Variants in AADACL4 observed in about 807,000 individuals in gnomAD.
The protein encoded by AADACL4 is arylacetamide deacetylase like 4, also known as arylacetamide deacetylase-like 4.
In AADACL4, 9 loss-of-function variants were observed where a neutral mutation model predicts 14.1. That is an observed-to-expected ratio of 0.64 (90% confidence interval 0.39 to 1.12). The LOEUF is 1.12. Ranked by LOEUF, AADACL4 falls within the 50% of genes most tolerant of loss-of-function variation. AADACL4 has a pLI of 0.01. For synonymous variants in AADACL4, 188 were observed against 201.6 expected (o/e 0.93, Z 0.57); for missense variants, 531 against 516.1 (o/e 1.03, Z -0.28).
chr1:12,654,620 G>A (rs962812840), intron 2 of AADACL4, among the ~76,000 whole-genome samples: 1 of 152,192 alleles, frequency 6.6e-6, no homozygotes, highest in African/African-American at 2.4e-5. Context: ...TGGGGGTTCA[G>A]TCAGGCTGGT....
intron 2 of AADACL4, among the ~76,000 whole-genome samples, chr1:12,658,139 C>CCTTCCTTCCTTCCTTCCTTT (rs1439797569): frequency 8.2e-5 from 7 of 84,932 alleles, no homozygotes; most frequent in East Asian, 6.1e-4. Context: ...TTCCTTCCTT[C>CCTTCCTTCCTTCCTTCCTTT]CTTTCTTTCT....
chr1:12,657,750 G>T (rs1295233478), intron 2 of AADACL4, among the ~76,000 whole-genome samples: 1 of 152,120 alleles, frequency 6.6e-6, no homozygotes, highest in Non-Finnish European at 1.5e-5. Context: ...GGACCAAAAT[G>T]GGTGTCCCAG....
At chr1:12,649,456 A>G (rs1270866302) in intron 1 of AADACL4, among the ~76,000 whole-genome samples, 12 of 152,204 alleles carry the variant, frequency 7.9e-5, no homozygotes, top group African/African-American at 2.7e-4. Flanking sequence ...CCATGCTGGT[A>G]CAACATAGAG....
At chr1:12,664,783 AT>A (rs963419333) in intron 3 of AADACL4, among the ~76,000 whole-genome samples, 3 of 152,242 alleles carry the variant, frequency 2.0e-5, no homozygotes, top group South Asian at 2.1e-4. Flanking sequence ...AACTGTTTCT[AT>A]TTTTTTATTC....
At chr1:12,646,828 A>T (rs956234226) in intron 1 of AADACL4, among the ~76,000 whole-genome samples, 1 of 152,182 alleles carries the variant, frequency 6.6e-6, no homozygotes, top group Non-Finnish European at 1.5e-5. Flanking sequence ...GGGGCCTCCC[A>T]GGGCACACTG....
intron 1 of AADACL4, among the ~76,000 whole-genome samples, chr1:12,648,307 C>G (rs188265042): frequency 2.6e-4 from 39 of 151,848 alleles, no homozygotes; most frequent in Non-Finnish European, 4.1e-4. Flanking sequence ...CAATATTTGT[C>G]AAGGAGTTTC....
At position 12,666,881 on chromosome 1, in the gene AADACL4, C is replaced by T. The variant is rs900177451; in HGVS notation, c.*146C>T. 1.2e-6 allele frequency: 1 copy of T among 804,186 alleles called. No individual in the cohort carries two copies. The highest frequency in any genetic ancestry group is 1.9e-6 in the Non-Finnish European group (1 of 531,102). The allele number at this position is 804,186 out of a possible 1,614,324, so 49.8% of individuals were successfully genotyped here. On this transcript the variant is annotated 3_prime_UTR_variant, in exon 4 of 4. Transcript: ENST00000376221. ...GAAGGGTGAGAAGTAAGCTAACAGTCTTGCTTAGTATTCAAGAAAATCCAA... is the reference window on the plus strand; with the variant it reads ...GAAGGGTGAGAAGTAAGCTAACAGTTTTGCTTAGTATTCAAGAAAATCCAA...
intron 2 of AADACL4, among the ~76,000 whole-genome samples, chr1:12,654,131 C>A (rs929977529): frequency 3.9e-5 from 6 of 152,142 alleles, no homozygotes; most frequent in Non-Finnish European, 8.8e-5. Context: ...AGATCTAATA[C>A]CATGAACCAA....
intron 1 of AADACL4, among the ~76,000 whole-genome samples, chr1:12,646,155 C>T (rs1464750975): frequency 1.3e-5 from 2 of 152,148 alleles, no homozygotes; most frequent in African/African-American, 4.8e-5. Flanking sequence ...GATTCCAGGG[C>T]AGCTGTGGAG....
rs113220893 is a variant in AADACL4 at position 12,654,970 on chromosome 1, T to C, written c.385+3631T>C. On this transcript the variant is annotated intron_variant, in intron 2 of 3. Transcript: ENST00000376221. ...GCTGGTCAGGGCTGTGGCCACTGAC[T>C]CTTTACAGCACCTTGCTTGGTGTCT... is the stretch of plus-strand genomic sequence containing the variant. 2.7e-4 allele frequency among the ~76,000 whole-genome samples: 41 copies of C among 152,272 alleles called. 1 individual carries two copies. Among genetic ancestry groups the C allele is most frequent in the African/African-American group, 9.6e-4 (40 of 41,556 alleles).
At chr1:12,652,458 T>G (rs952212552) in intron 2 of AADACL4, among the ~76,000 whole-genome samples, 2 of 152,148 alleles carry the variant, frequency 1.3e-5, no homozygotes, top group Non-Finnish European at 2.9e-5. Context: ...GGCTGGGGGA[T>G]GTCCCCAAAG....
intron 1 of AADACL4, among the ~76,000 whole-genome samples, chr1:12,645,101 T>C (rs1647102871): frequency 7.5e-6 from 1 of 133,592 alleles, no homozygotes; most frequent in South Asian, 2.8e-4. Flanking sequence ...TTCCTTCCTT[T>C]TTCCTTCTTT....
At chr1:12,661,593 C>T (rs1647229499) in intron 2 of AADACL4, among the ~76,000 whole-genome samples, 198 bp from the exon 3 acceptor site, 1 of 151,988 alleles carries the variant, frequency 6.6e-6, no homozygotes. Flanking sequence ...AATTTGAGTC[C>T]CAAAATTCAG....
At position 12,666,189 on chromosome 1, in the gene AADACL4, G is replaced by C. The variant is rs779090467; in HGVS notation, c.678G>C (p.Gln226His). Residue 226 changes from glutamine to histidine, a missense_variant, in exon 4 of 4, where the codon CAG becomes CAC. Physicochemically the swap from Gln to His is conservative, Grantham distance 24. Transcript: ENST00000376221. ...AGGTTCTGATTTATCCAGTTGTCCAGGCATTCTGTTTGCAGTTGCCATCCT... is the reference window on the plus strand; with the variant it reads ...AGGTTCTGATTTATCCAGTTGTCCACGCATTCTGTTTGCAGTTGCCATCCT... ...RAQVLIYPVV[Q>H]AFCLQLPSFQ... 6.2e-7 allele frequency: 1 copy of C among 1,614,252 alleles called. No individual in the cohort carries two copies. The highest frequency in any genetic ancestry group is 8.5e-7 in the Non-Finnish European group (1 of 1,180,052).
chr1:12,652,809 G>A (rs1647157422), intron 2 of AADACL4, among the ~76,000 whole-genome samples: 1 of 152,168 alleles, frequency 6.6e-6, no homozygotes, highest in Non-Finnish European at 1.5e-5. Context: ...CACATAAGGA[G>A]GTCCTAGGAG....
At chr1:12,658,121 TTCCTTCCTTCCTTC>T (rs1647195752) in intron 2 of AADACL4, among the ~76,000 whole-genome samples, 1 of 128,948 alleles carries the variant, frequency 7.8e-6, no homozygotes, top group African/African-American at 3.9e-5. Context: ...CCTTCCTTCC[TTCCTTCCTTCCTTC>T]CTTCCTTTCT....
At chr1:12,657,009 G>A (rs140627221) in intron 2 of AADACL4, among the ~76,000 whole-genome samples, 526 of 152,162 alleles carry the variant, frequency 3.5e-3, no homozygotes, top group African/African-American at 0.012. Flanking sequence ...TGGGCATGGT[G>A]ACACATGCCT....
At chr1:12,665,884 G>A (rs1490667328) in intron 3 of AADACL4, 77 bp from the exon 4 acceptor site, 11 of 1,425,248 alleles carry the variant, frequency 7.7e-6, no homozygotes, top group Non-Finnish European at 9.5e-6. Context: ...TTGTAAGGGG[G>A]TTGAGGATTC....
In AADACL4 at chr1:12,665,941, G is replaced by C; in HGVS notation, c.450-20G>C. On this transcript the variant is annotated intron_variant, in intron 3 of 3. Transcript: ENST00000376221. ...ACACTGTCCACACTGGTGTAGTGTTGCTCCCTGTTTTCGTTTTAGGTACCG... is the reference window on the plus strand; with the variant it reads ...ACACTGTCCACACTGGTGTAGTGTTCCTCCCTGTTTTCGTTTTAGGTACCG... 2 of 1,588,874 alleles carry C rather than the reference G, an allele frequency of 1.3e-6. No homozygotes were observed. Among genetic ancestry groups the C allele is most frequent in the Non-Finnish European group, 8.6e-7 (1 of 1,166,142 alleles).
Sources: gnomAD v4.1 joint callset for allele counts (sites outside exome capture counted in the v4.1 genomes callset) on GRCh38, gnomAD v4.1.1 for gene constraint, MANE v1.5 for transcripts, NCBI Gene and HGNC (gene_info 2026-07-23, HGNC 2026-07-21) for gene names.